Variants in CSAD observed in about 807,000 individuals in gnomAD.
CSAD encodes cysteine sulfinic acid decarboxylase, also known as P-selectin cytoplasmic tail-associated protein.
Under a neutral mutation model 61.5 loss-of-function variants are expected in CSAD, and 47 were observed. The observed-to-expected ratio is 0.76, with a 90% CI of 0.60 to 0.97. The LOEUF (loss-of-function observed/expected upper bound fraction) is 0.97, where lower values mean the gene tolerates loss of function less well. Ranked by LOEUF, CSAD falls within the 50% of genes least tolerant of loss-of-function variation. The pLI is 0.00. For missense variants in CSAD, 611 were observed against 643.6 expected, an observed-to-expected ratio of 0.95 and a Z score of 0.55; for synonymous variants, 245 against 252.7, an observed-to-expected ratio of 0.97 and a Z score of 0.29.
chr12:53,161,340 C>T lies in CSAD; in HGVS notation c.752G>A (p.Gly251Glu), dbSNP rs1939259129. 6.2e-7 allele frequency: 1 copy of T among 1,613,962 alleles called. No homozygotes were observed. Among genetic ancestry groups the T allele is most frequent in the African/African-American group, 1.3e-5 (1 of 74,894 alleles). Residue 251 changes from glycine to glutamate, a missense_variant, in exon 11 of 17, where the codon GGG becomes GAG. Coordinates refer to ENST00000444623, the MANE Select transcript of CSAD (RefSeq NM_001244705.2). ...VSATSGTTVL[G>E]AFDPLEAIAD... ...AATTGCCTCCAGGGGGTCAAAGGCCCCTAGCACAGTGGTGCCAGAGGTGGC... is the reference window on the plus strand; with the variant it reads ...AATTGCCTCCAGGGGGTCAAAGGCCTCTAGCACAGTGGTGCCAGAGGTGGC...
At chr12:53,180,587 G>A (rs1342674401) in intron 1 of CSAD, 145 bp downstream of exon 1, 2 of 1,284,700 alleles carry the variant, frequency 1.6e-6, no homozygotes, top group African/African-American at 1.5e-5. Flanking sequence ...CTCTCCGTGC[G>A]TCCCCAAGCT....
Position 53,160,200 on chromosome 12 carries a change from A to G in CSAD, c.1086T>C (p.Cys362=), listed in dbSNP as rs756275963. The part of the protein sequence containing the change: ...KVVQCGRRVD[C]LKLWLMWKAQ... ...CCTTCCACATGAGCCACAGCTTCAG[A>G]CAGTCCACACGGCGGCCACACTGCA... The change falls in exon 14 of 17, where the codon TGT becomes TGC. Residue 362 remains cysteine, a synonymous_variant. Transcript: ENST00000444623. 6.2e-7 allele frequency: 1 copy of G among 1,614,166 alleles called. No homozygotes were observed.
intron 1 of CSAD, chr12:53,179,755 G>C (rs781136790): frequency 9.1e-5 from 144 of 1,584,398 alleles, no homozygotes; most frequent in Non-Finnish European, 1.1e-4. Flanking sequence ...TTCTCCTAAA[G>C]TCACGACATA....
intron 12 of CSAD, 112 bp from the exon 13 acceptor site, chr12:53,160,956 C>A: frequency 8.5e-7 from 1 of 1,178,706 alleles, no homozygotes; most frequent in South Asian, 1.3e-5. Flanking sequence ...CACCCTCACC[C>A]CAGCATCAGG....
chr12:53,181,289 G>T (rs951621208), upstream of CSAD: 2 of 985,312 alleles, frequency 2.0e-6, no homozygotes, highest in Admixed American at 1.2e-4. Context: ...GCCCGCCACC[G>T]AAGCACCCAG....
At chr12:53,179,896 T>C (rs1941433665) in intron 1 of CSAD, 1 of 1,610,076 alleles carries the variant, frequency 6.2e-7, no homozygotes, top group Non-Finnish European at 8.5e-7. Context: ...GAAGACAGTC[T>C]GGTTTCCATT....
At chr12:53,180,548 C>A in intron 1 of CSAD, 184 bp downstream of exon 1, 1 of 1,279,452 alleles carries the variant, frequency 7.8e-7, no homozygotes, top group Non-Finnish European at 1.0e-6. Context: ...GCCCTCGGCG[C>A]ACGGCGCCGC....
At chr12:53,158,736 T>C in intron 16 of CSAD, 52 bp from the exon 17 acceptor site, 5 of 1,562,352 alleles carry the variant, frequency 3.2e-6, no homozygotes, top group Admixed American at 1.8e-5. Context: ...GGCTGACAGG[T>C]AGGCTGGCTT....
intron 10 of CSAD, among the ~76,000 whole-genome samples, chr12:53,169,242 G>A (rs929618038): frequency 6.6e-6 from 1 of 151,954 alleles, no homozygotes; most frequent in Admixed American, 6.6e-5. Flanking sequence ...CACTTTGGGA[G>A]GCTGAGGCAG....
At chr12:53,168,900 CCAGGCATGGTGGCT>C (rs1325449865) in intron 10 of CSAD, among the ~76,000 whole-genome samples, 1 of 152,170 alleles carries the variant, frequency 6.6e-6, no homozygotes, top group East Asian at 1.9e-4. Context: ...ACATTTATGG[CCAGGCATGGTGGCT>C]CACGCCTATA....
chr12:53,172,325 G>T, intron 6 of CSAD, 21 bp downstream of exon 6: 1 of 1,605,870 alleles, frequency 6.2e-7, no homozygotes, highest in Non-Finnish European at 8.5e-7. Context: ...TGGGATGGTA[G>T]AGGGGCCTTG....
chr12:53,179,726 C>G, intron 1 of CSAD: 52 of 1,103,372 alleles, frequency 4.7e-5, no homozygotes, highest in African/African-American at 8.5e-5. Flanking sequence ...TTTTTTTTTT[C>G]TTTTGGTATC....
chr12:53,176,235 C>G (rs957422954), intron 2 of CSAD, among the ~76,000 whole-genome samples: 1 of 151,756 alleles, frequency 6.6e-6, no homozygotes, highest in Non-Finnish European at 1.5e-5. Flanking sequence ...CATGGTGAAA[C>G]CCCGTCTCTA....
chr12:53,178,794 T>A (rs1207974949), intron 2 of CSAD, among the ~76,000 whole-genome samples: 1 of 143,692 alleles, frequency 7.0e-6, no homozygotes, highest in Admixed American at 6.7e-5. Flanking sequence ...CAAAAAAAAA[T>A]AAAAATAAAA....
At chr12:53,168,408 T>G (rs1427592642) in intron 10 of CSAD, among the ~76,000 whole-genome samples, 1 of 152,162 alleles carries the variant, frequency 6.6e-6, no homozygotes, top group African/African-American at 2.4e-5. Context: ...AATAAAACTA[T>G]TACCAAAAAA....
rs1941141791 is a variant in CSAD, at chr12:53,176,768, T to C, written c.-50+2334A>G. ...TTATTTTAGAGAATAAGTTTTGCTG[T>C]ATCACCCAGGCTGAAGTGCAGTAGC... On this transcript the variant is annotated intron_variant, in intron 2 of 16. Coordinates refer to ENST00000444623, the MANE Select transcript of CSAD (RefSeq NM_001244705.2). 3.3e-5 allele frequency among the ~76,000 whole-genome samples: 5 copies of C among 152,130 alleles called. No individual in the cohort carries two copies. The South Asian group carries it at 1.0e-3, about 32-fold the overall frequency.
At chr12:53,179,767 T>C (rs1207746655) in intron 1 of CSAD, 1 of 1,605,524 alleles carries the variant, frequency 6.2e-7, no homozygotes, top group African/African-American at 1.3e-5. Context: ...CACGACATAA[T>C]ATCACCTACA....
At chr12:53,180,060 G>A in intron 1 of CSAD, 1 of 1,408,064 alleles carries the variant, frequency 7.1e-7, no homozygotes, top group Non-Finnish European at 9.2e-7. Flanking sequence ...GGCTGGCCTC[G>A]GGATTCGCAG....
chr12:53,180,194 G>A, intron 1 of CSAD: 1 of 985,412 alleles, frequency 1.0e-6, no homozygotes. Context: ...GCGAAGAAAA[G>A]TTAACGCCTC....
Sources: allele counts gnomAD v4.1 joint callset (sites outside exome capture counted in the v4.1 genomes callset), GRCh38; gene constraint gnomAD v4.1.1; transcripts MANE v1.5; gene names NCBI Gene and HGNC (gene_info 2026-07-23, HGNC 2026-07-21).